SLC9A2: variants seen among roughly 807,000 people sequenced by gnomAD.
The protein encoded by SLC9A2 is sodium/hydrogen exchanger 2.
Under a neutral mutation model 71.7 loss-of-function variants are expected in SLC9A2, and 42 were observed. The observed-to-expected ratio is 0.59, with a 90% CI of 0.46 to 0.76. The LOEUF (loss-of-function observed/expected upper bound fraction) is 0.76. Ranked by LOEUF, SLC9A2 falls within the 30% of genes least tolerant of loss-of-function variation. The probability of loss-of-function intolerance (pLI) is 0.00; values close to 1 mark genes in which losing one functional copy is unlikely to be tolerated. For missense variants in SLC9A2, 829 were observed against 1,017.4 expected (o/e 0.81, Z 2.52); for synonymous variants, 396 against 392.5 (o/e 1.01, Z -0.10).
intron 8 of SLC9A2, 112 bp downstream of exon 8, chr2:102,701,343 C>A: frequency 2.4e-6 from 2 of 832,222 alleles, no homozygotes; most frequent in East Asian, 3.0e-5. Context: ...CCGCCCCCCT[C>A]GGCCTCCCAG....
Position 102,633,803 on chromosome 2 carries a change from A to G in SLC9A2, c.289+13666A>G, listed in dbSNP as rs375663810. Among the ~76,000 whole-genome samples, 5 of 152,236 alleles carry G rather than the reference A, an allele frequency of 3.3e-5. No homozygotes were observed. The East Asian group carries it at 9.6e-4, about 29-fold the overall frequency. ...TAACACGTTAAGTATTCATAGGTTA[A>G]GAGAAGGTTCAACCCATATAACTTA... is the stretch of plus-strand genomic sequence containing the variant. On this transcript the variant is annotated intron_variant, in intron 1 of 11. Coordinates refer to ENST00000233969, the MANE Select transcript of SLC9A2 (RefSeq NM_003048.6).
At chr2:102,630,663 A>G (rs1408727501) in intron 1 of SLC9A2, among the ~76,000 whole-genome samples, 2 of 151,640 alleles carry the variant, frequency 1.3e-5, no homozygotes, top group African/African-American at 2.4e-5. Flanking sequence ...CCAGCTTACC[A>G]TATTTTACTC....
intron 1 of SLC9A2, among the ~76,000 whole-genome samples, chr2:102,651,877 T>C (rs907258468): frequency 6.6e-6 from 1 of 152,242 alleles, no homozygotes; most frequent in East Asian, 1.9e-4. Flanking sequence ...ATTCTTGATG[T>C]ATAAAGGTTT....
intron 1 of SLC9A2, among the ~76,000 whole-genome samples, chr2:102,639,077 A>G (rs1382767999): frequency 6.6e-6 from 1 of 152,200 alleles, no homozygotes; most frequent in Non-Finnish European, 1.5e-5. Context: ...CTAATTACTC[A>G]GGAGGCTGAG....
intron 1 of SLC9A2, among the ~76,000 whole-genome samples, chr2:102,622,855 T>C (rs1039397957): frequency 6.6e-6 from 1 of 152,240 alleles, no homozygotes; most frequent in Non-Finnish European, 1.5e-5. Flanking sequence ...TTGACTGTCC[T>C]GGGCTGCCAC....
rs375678048 is a variant in SLC9A2 at position 102,705,837 on chromosome 2, C to T, written c.1978-9C>T. ...ATAGTTTAAGTAAGATTTTATATTT[C>T]TTTTACAGGCTTCCACTTCAACCTC... is the stretch of plus-strand genomic sequence containing the variant. On this transcript the variant is annotated splice_polypyrimidine_tract_variant and intron_variant, in intron 10 of 11. Coordinates refer to ENST00000233969, the MANE Select transcript of SLC9A2 (RefSeq NM_003048.6). The T allele has an allele frequency of 5.3e-5, 81 of 1,542,460 alleles. No homozygotes were observed. Among genetic ancestry groups the T allele is most frequent in the Non-Finnish European group, 6.9e-5 (78 of 1,131,326 alleles).
intron 9 of SLC9A2, among the ~76,000 whole-genome samples, chr2:102,703,842 A>G (rs895809287): frequency 6.6e-6 from 1 of 152,252 alleles, no homozygotes; most frequent in African/African-American, 2.4e-5. Context: ...TTACTTTTCA[A>G]ACACTGGGAT....
chr2:102,637,988 A>G (rs923361566), intron 1 of SLC9A2, among the ~76,000 whole-genome samples: 4 of 152,232 alleles, frequency 2.6e-5, no homozygotes, highest in African/African-American at 9.6e-5. Flanking sequence ...GCTGATGGCC[A>G]CTTTGCAGAA....
chr2:102,702,616 G>T (rs1677896014), intron 9 of SLC9A2, 114 bp downstream of exon 9: 2 of 642,782 alleles, frequency 3.1e-6, no homozygotes, highest in Non-Finnish European at 5.5e-6. Flanking sequence ...CAGGTCCCAT[G>T]CTGGGCATCT....
At chr2:102,642,726 T>A (rs1676633416) in intron 1 of SLC9A2, among the ~76,000 whole-genome samples, 1 of 152,180 alleles carries the variant, frequency 6.6e-6, no homozygotes, top group South Asian at 2.1e-4. Flanking sequence ...TTGGAAGAAG[T>A]TGTATAGAAT....
intron 10 of SLC9A2, among the ~76,000 whole-genome samples, chr2:102,705,483 T>C (rs2104557401): frequency 6.6e-6 from 1 of 152,174 alleles, no homozygotes; most frequent in South Asian, 2.1e-4. Flanking sequence ...AAAAAACACC[T>C]TACATATATA....
chr2:102,634,207 ATATTAT>A (rs1676426281), intron 1 of SLC9A2, among the ~76,000 whole-genome samples: 1 of 152,158 alleles, frequency 6.6e-6, no homozygotes, highest in African/African-American at 2.4e-5. Flanking sequence ...CCTGTCACAT[ATATTAT>A]TATTGTGTCA....
chr2:102,686,334 G>A (rs531192396), intron 5 of SLC9A2: 2 of 152,302 alleles, frequency 1.3e-5, no homozygotes, highest in African/African-American at 4.8e-5. Flanking sequence ...CCCTGAATAA[G>A]GTGTCCAGGA....
chr2:102,665,936 G>T (rs1365246276), intron 3 of SLC9A2, among the ~76,000 whole-genome samples: 2 of 151,984 alleles, frequency 1.3e-5, no homozygotes, highest in Admixed American at 6.6e-5. Flanking sequence ...TAAACTGTTG[G>T]GGTGGATCTT....
chr2:102,708,071 G>A (rs1194916856), intron 11 of SLC9A2, 48 bp from the exon 12 acceptor site: 2 of 1,567,468 alleles, frequency 1.3e-6, no homozygotes, highest in Non-Finnish European at 1.7e-6. Context: ...TACTTGCAAT[G>A]CCTTCTCTCT....
chr2:102,672,149 G>C (rs549026914), intron 3 of SLC9A2, among the ~76,000 whole-genome samples: 26 of 152,104 alleles, frequency 1.7e-4, no homozygotes, highest in African/African-American at 5.3e-4. Context: ...AAAATATATA[G>C]CAGATTTTTA....
intron 1 of SLC9A2, among the ~76,000 whole-genome samples, chr2:102,638,168 C>A (rs1165136622): frequency 7.1e-6 from 1 of 141,596 alleles, no homozygotes; most frequent in Non-Finnish European, 1.5e-5. Context: ...TCGTGGCCTG[C>A]AAGCTTGCAA....
chr2:102,625,647 A>C (rs970862045), intron 1 of SLC9A2, among the ~76,000 whole-genome samples: 16 of 152,142 alleles, frequency 1.1e-4, no homozygotes, highest in African/African-American at 3.6e-4. Flanking sequence ...AAAGGACATG[A>C]ACTCATCATT....
intron 1 of SLC9A2, among the ~76,000 whole-genome samples, chr2:102,625,441 G>A (rs752740027): frequency 6.6e-6 from 1 of 151,568 alleles, no homozygotes; most frequent in Non-Finnish European, 1.5e-5. Flanking sequence ...ATTTACATTA[G>A]GTATATCTCC....
Sources: gnomAD v4.1 joint callset for allele counts (sites outside exome capture counted in the v4.1 genomes callset) on GRCh38, gnomAD v4.1.1 for gene constraint, MANE v1.5 for transcripts, NCBI Gene and HGNC (gene_info 2026-07-23, HGNC 2026-07-21) for gene names.